The following GRXCR1 variants were observed in gnomAD, a reference collection of about 807,000 sequenced individuals.
GRXCR1 encodes the protein glutaredoxin domain-containing cysteine-rich protein 1.
GRXCR1 carries 27 observed loss-of-function variants against 27.3 expected under a neutral mutation model. The observed-to-expected ratio is 0.99, with a 90% CI of 0.73 to 1.37. The LOEUF (loss-of-function observed/expected upper bound fraction) is 1.37, where lower values mean the gene tolerates loss of function less well. GRXCR1 is among the 40% of genes most tolerant of loss of function. The pLI is 0.00. For missense variants in GRXCR1, 379 were observed against 354.4 expected (o/e 1.07, Z -0.56); for synonymous variants, 122 against 131.1 (o/e 0.93, Z 0.47).
intron 1 of GRXCR1, among the ~76,000 whole-genome samples, chr4:42,933,791 C>T (rs2109758578): frequency 6.6e-6 from 1 of 152,038 alleles, no homozygotes; most frequent in East Asian, 1.9e-4. Context: ...TTATCTCAGA[C>T]ATCCCAGCTT....
rs371613236 is a variant in GRXCR1, at chr4:42,894,143, C to T, written c.384+493C>T. Among the ~76,000 whole-genome samples, 61 of 152,168 alleles carry T rather than the reference C, an allele frequency of 4.0e-4. 1 individual carries two copies. The South Asian group carries it at 0.01, about 25-fold the overall frequency. ...GACTAACTTCGACTTCCTCCCATTC[C>T]TGAGGAGGTTGCAGGCTTCATTCAA... On this transcript the variant is annotated intron_variant, in intron 1 of 3. Transcript: ENST00000399770.
chr4:42,893,072 C>T lies in GRXCR1; in HGVS notation c.-195C>T, dbSNP rs1380550494. On this transcript the variant is annotated 5_prime_UTR_variant, in exon 1 of 4. Coordinates refer to ENST00000399770, the MANE Select transcript of GRXCR1 (RefSeq NM_001080476.3). ...GGTTTTAGTTTAAAGGTAACCATAG[C>T]ACACACACACACATTTATTATTAAT... Among the ~76,000 whole-genome samples the T allele has an allele frequency of 6.6e-6, 1 of 151,962 alleles. No individual in the cohort carries two copies. The highest frequency in any genetic ancestry group is 1.5e-5 in the Non-Finnish European group (1 of 67,978).
At chr4:42,931,171 C>T in intron 1 of GRXCR1, among the ~76,000 whole-genome samples, 1 of 151,816 alleles carries the variant, frequency 6.6e-6, no homozygotes, top group East Asian at 1.9e-4. Flanking sequence ...GATAAACTTT[C>T]AGTAAGGCTG....
chr4:42,963,181 G>A, intron 2 of GRXCR1, 47 bp downstream of exon 2: 1 of 1,600,538 alleles, frequency 6.2e-7, no homozygotes, highest in Non-Finnish European at 8.6e-7. Flanking sequence ...CCCAACCAGG[G>A]CTGATAGAAA....
intron 2 of GRXCR1, among the ~76,000 whole-genome samples, chr4:43,013,913 A>G (rs1712847750): frequency 6.6e-6 from 1 of 152,262 alleles, no homozygotes; most frequent in South Asian, 2.1e-4. Flanking sequence ...GCTTTATTAT[A>G]AAAAATCAGG....
chr4:42,914,130 C>T (rs1350882455), intron 1 of GRXCR1, among the ~76,000 whole-genome samples: 2 of 152,234 alleles, frequency 1.3e-5, no homozygotes, highest in Non-Finnish European at 2.9e-5. Context: ...CACAGAAGTC[C>T]CCACTTGGGC....
intron 1 of GRXCR1, among the ~76,000 whole-genome samples, chr4:42,905,937 GC>G (rs1404339496): frequency 6.6e-6 from 1 of 152,136 alleles, no homozygotes; most frequent in East Asian, 1.9e-4. Flanking sequence ...CAGGAATTTT[GC>G]TATGATATTA....
chr4:42,997,928 G>T (rs972512771), intron 2 of GRXCR1, among the ~76,000 whole-genome samples: 8 of 152,172 alleles, frequency 5.3e-5, no homozygotes, highest in Admixed American at 4.6e-4. Flanking sequence ...TCTTTTCCAT[G>T]TCAATTGTTT....
intron 3 of GRXCR1, among the ~76,000 whole-genome samples, chr4:43,025,211 CTTTG>C (rs1303209825): frequency 6.6e-6 from 1 of 152,048 alleles, no homozygotes; most frequent in Non-Finnish European, 1.5e-5. Context: ...CGTTTTTGTC[CTTTG>C]TTAGAGACAC....
At chr4:42,954,505 C>T (rs1426499855) in intron 1 of GRXCR1, among the ~76,000 whole-genome samples, 1 of 152,128 alleles carries the variant, frequency 6.6e-6, no homozygotes, top group Non-Finnish European at 1.5e-5. Context: ...CTCATTTGGG[C>T]ACCTTAACTT....
At chr4:43,010,202 G>C (rs1340376542) in intron 2 of GRXCR1, among the ~76,000 whole-genome samples, 6 of 152,112 alleles carry the variant, frequency 3.9e-5, no homozygotes, top group Non-Finnish European at 8.8e-5. Context: ...AGGACTTCGA[G>C]ACCAGCTTGG....
chr4:43,021,991 G>T (rs1236353789), intron 3 of GRXCR1, among the ~76,000 whole-genome samples: 2 of 152,086 alleles, frequency 1.3e-5, no homozygotes, highest in East Asian at 3.9e-4. Flanking sequence ...TTAAATCGGG[G>T]TGTGTACTTG....
At chr4:42,913,010 C>A (rs1159353951) in intron 1 of GRXCR1, among the ~76,000 whole-genome samples, 10 of 152,150 alleles carry the variant, frequency 6.6e-5, no homozygotes, top group Non-Finnish European at 1.0e-4. Flanking sequence ...TCCTGCTGCC[C>A]TATGAAGAGG....
intron 1 of GRXCR1, among the ~76,000 whole-genome samples, chr4:42,953,301 C>T (rs1414770703): frequency 6.6e-6 from 1 of 152,104 alleles, no homozygotes; most frequent in East Asian, 1.9e-4. Context: ...GAATAGAGTA[C>T]AGCAAAAGTG....
intron 1 of GRXCR1, among the ~76,000 whole-genome samples, chr4:42,936,984 T>C (rs79061814): frequency 0.018 from 2,685 of 152,024 alleles, 52 homozygotes; most frequent in African/African-American, 0.048. Flanking sequence ...TTCCACACTG[T>C]ACTCTTTGGA....
intron 1 of GRXCR1, among the ~76,000 whole-genome samples, chr4:42,914,750 T>A (rs1450308607): frequency 6.6e-6 from 1 of 152,108 alleles, no homozygotes; most frequent in Non-Finnish European, 1.5e-5. Flanking sequence ...ATAATCCCCA[T>A]GTGTTGTGCT....
rs143940187 is a variant in GRXCR1 at position 42,925,681 on chromosome 4, C to T, written c.384+32031C>T. Among the ~76,000 whole-genome samples the T allele has an allele frequency of 3.3e-5, 5 of 152,046 alleles. No individual in the cohort carries two copies. The East Asian group carries it at 9.7e-4, about 30-fold the overall frequency. ...TTCACAGTTAGAAATGAAACAGAAT[C>T]ACTTGGACTTGTACCCTTCCACCAT... On this transcript the variant is annotated intron_variant, in intron 1 of 3. Transcript: ENST00000399770.
intron 1 of GRXCR1, among the ~76,000 whole-genome samples, chr4:42,925,803 A>G (rs1245092039): frequency 1.3e-5 from 2 of 151,962 alleles, no homozygotes; most frequent in Non-Finnish European, 2.9e-5. Flanking sequence ...TAGTCTTGAA[A>G]GACAGCTGAT....
rs1553943954 is a variant in GRXCR1 at position 42,987,265 on chromosome 4, T to TATA, written c.627+24132_627+24134dup. On this transcript the variant is annotated intron_variant, in intron 2 of 3. Transcript: ENST00000399770. Reference sequence around the variant, plus strand: ...TAATATATAATATATATATATAATATATATATATATATAGAGAGAGAGAGA... The same window carrying TATA: ...TAATATATAATATATATATATAATATATAATATATATATATAGAGAGAGAGAGA... Among the ~76,000 whole-genome samples the TATA allele has an allele frequency of 7.4e-3, 604 of 81,112 alleles. 4 individuals carry two copies. The highest frequency in any genetic ancestry group is 0.028 in the African/African-American group (571 of 20,212). 53.2% of individuals were successfully genotyped at this position (81,112 alleles called of 152,430 possible). A position where few individuals can be genotyped will look rare whatever the true frequency, so the allele number is the denominator to read the frequency against.
Sources: allele counts gnomAD v4.1 joint callset (sites outside exome capture counted in the v4.1 genomes callset), GRCh38; gene constraint gnomAD v4.1.1; transcripts MANE v1.5; gene names NCBI Gene and HGNC (gene_info 2026-07-23, HGNC 2026-07-21).